Variants in SAMMSON observed in about 807,000 individuals in gnomAD.
SAMMSON encodes long intergenic non-protein coding RNA 1212.
intron 4 of SAMMSON, chr3:70,125,175 C>T (rs2067451746): frequency 6.3e-7 from 1 of 1,578,968 alleles, no homozygotes; most frequent in Non-Finnish European, 8.7e-7. Context: ...TCCTTTAAGG[C>T]TTTTGCTGCT....
intron 2 of SAMMSON, among the ~76,000 whole-genome samples, chr3:70,432,969 C>T (rs570414517): frequency 1.3e-5 from 2 of 151,978 alleles, no homozygotes; most frequent in Admixed American, 6.6e-5. Flanking sequence ...TTTAAGATTC[C>T]CCTATGTCTT....
At chr3:70,299,656 C>T (rs908715054) in intron 7 of SAMMSON, among the ~76,000 whole-genome samples, 2 of 152,036 alleles carry the variant, frequency 1.3e-5, no homozygotes, top group African/African-American at 4.8e-5. Flanking sequence ...GAATTCATGC[C>T]TTCTCATTTG....
chr3:70,243,208 T>C (rs369236121), intron 4 of SAMMSON, among the ~76,000 whole-genome samples: 11 of 152,088 alleles, frequency 7.2e-5, no homozygotes, highest in Non-Finnish European at 2.9e-5. Context: ...CTGTTGAGGA[T>C]TGGGGGCTGT....
chr3:70,266,923 G>A (rs1701921307), intron 6 of SAMMSON, among the ~76,000 whole-genome samples: 1 of 152,220 alleles, frequency 6.6e-6, no homozygotes, highest in African/African-American at 2.4e-5. Context: ...GCCTGGCAAT[G>A]GGATTAGATT....
intron 1 of SAMMSON, among the ~76,000 whole-genome samples, chr3:70,010,818 G>C (rs766139189): frequency 6.6e-6 from 1 of 152,134 alleles, no homozygotes; most frequent in Admixed American, 6.5e-5. Flanking sequence ...GGAGCAGCAG[G>C]CACCTTCTTC....
At chr3:70,371,395 G>C (rs1184331698) in intron 9 of SAMMSON, among the ~76,000 whole-genome samples, 1 of 151,922 alleles carries the variant, frequency 6.6e-6, no homozygotes, top group Non-Finnish European at 1.5e-5. Flanking sequence ...TCTGTAGATT[G>C]CTTTGGGTTG....
At chr3:70,078,480 G>T (rs184580187) in intron 4 of SAMMSON, among the ~76,000 whole-genome samples, 1 of 152,070 alleles carries the variant, frequency 6.6e-6, no homozygotes, top group East Asian at 1.9e-4. Context: ...TTTGAAATTA[G>T]CTGTTCTGTA....
At chr3:70,283,450 G>C (rs1357737922) in intron 6 of SAMMSON, among the ~76,000 whole-genome samples, 2 of 152,110 alleles carry the variant, frequency 1.3e-5, no homozygotes, top group Non-Finnish European at 2.9e-5. Flanking sequence ...CAAAGAGCAA[G>C]GGCCTTGAAG....
At chr3:70,045,130 TATATTATAATTTATATATATTAATTATA>T (rs1242166876) in intron 3 of SAMMSON, among the ~76,000 whole-genome samples, 28 of 130,548 alleles carry the variant, frequency 2.1e-4, no homozygotes, top group Admixed American at 2.0e-3. Context: ...TTAATTATAA[TATATTATAATTTATATATATTAATTATA>T]ATATATTATA....
At chr3:70,214,399 G>A (rs144699994) in intron 4 of SAMMSON, among the ~76,000 whole-genome samples, 4 of 152,034 alleles carry the variant, frequency 2.6e-5, no homozygotes, top group Admixed American at 2.6e-4. Flanking sequence ...GACATTTTAA[G>A]CCTTTTCAAT....
intron 2 of SAMMSON, chr3:70,013,375 G>A (rs2066967000): frequency 6.6e-6 from 1 of 152,150 alleles, no homozygotes; most frequent in Non-Finnish European, 1.5e-5. Flanking sequence ...TTGGCACATA[G>A]TAAGTGCTCA....
At chr3:70,104,326 T>A (rs949303553) in intron 4 of SAMMSON, among the ~76,000 whole-genome samples, 4 of 152,064 alleles carry the variant, frequency 2.6e-5, no homozygotes, top group African/African-American at 9.7e-5. Flanking sequence ...CAAGTCTCAA[T>A]TTCCATATCT....
intron 4 of SAMMSON, among the ~76,000 whole-genome samples, chr3:70,220,875 A>G (rs761859655): frequency 6.6e-6 from 1 of 152,116 alleles, no homozygotes; most frequent in Non-Finnish European, 1.5e-5. Context: ...CTTTCCCACC[A>G]TCAGGGAGGG....
intron 3 of SAMMSON, among the ~76,000 whole-genome samples, chr3:70,066,118 C>T (rs764594933): frequency 3.3e-5 from 5 of 152,006 alleles, no homozygotes; most frequent in Non-Finnish European, 5.9e-5. Flanking sequence ...AATGGTGCCT[C>T]GGGTTGCCAA....
chr3:70,350,547 A>T (rs1702786811), intron 7 of SAMMSON, among the ~76,000 whole-genome samples: 1 of 152,064 alleles, frequency 6.6e-6, no homozygotes, highest in African/African-American at 2.4e-5. Context: ...TCCATATATA[A>T]TATTTTTCAT....
intron 2 of SAMMSON, among the ~76,000 whole-genome samples, chr3:70,413,162 T>C (rs377171445): frequency 6.6e-6 from 1 of 152,090 alleles, no homozygotes; most frequent in South Asian, 2.1e-4. Context: ...CTCTGAAGCT[T>C]CTAACTTGAA....
intron 6 of SAMMSON, among the ~76,000 whole-genome samples, chr3:70,257,413 G>A (rs1701827537): frequency 6.6e-6 from 1 of 152,116 alleles, no homozygotes; most frequent in Non-Finnish European, 1.5e-5. Context: ...TTCATGGCAG[G>A]AGAGAATGTG....
rs2066948197 is a variant in SAMMSON, at chr3:70,010,265, TG to T, written n.23-2089del. The stretch of plus-strand genomic sequence containing the variant: ...GTTAAAGTCTCCCGTTATTATTGTG[TG>T]GGAGTCTAAGTCTCTTTCTAGATCT... On this transcript the variant is annotated intron_variant and non_coding_transcript_variant, in intron 1 of 9. Coordinates refer to ENST00000642114, the Ensembl canonical transcript of SAMMSON. 2.0e-5 allele frequency among the ~76,000 whole-genome samples: 3 copies of T among 152,068 alleles called. No individual in the cohort carries two copies. In the South Asian group the frequency reaches 6.2e-4, roughly 31 times the overall value.
intron 3 of SAMMSON, among the ~76,000 whole-genome samples, chr3:70,051,449 T>C (rs2067145862): frequency 6.9e-6 from 1 of 145,252 alleles, no homozygotes; most frequent in Admixed American, 6.8e-5. Flanking sequence ...GCCATTCTAA[T>C]GGCAAAAACC....
Sources: gnomAD v4.1 joint callset for allele counts (sites outside exome capture counted in the v4.1 genomes callset) on GRCh38, gnomAD v4.1.1 for gene constraint, MANE v1.5 for transcripts, NCBI Gene and HGNC (gene_info 2026-07-23, HGNC 2026-07-21) for gene names.